Variants in CFAP20DC observed in about 807,000 individuals in gnomAD.
CFAP20DC encodes the protein protein CFAP20DC.
A neutral mutation model predicts 101.7 loss-of-function variants in CFAP20DC; 84 were observed. The ratio of observed to expected loss-of-function variants is 0.83; its 90% confidence interval spans 0.69 to 0.99. CFAP20DC has a LOEUF of 0.99. Among genes scored for constraint, CFAP20DC ranks in the 50% least tolerant of loss-of-function variants. The pLI is 0.00. For missense variants in CFAP20DC, 1,007 were observed against 970.3 expected (o/e 1.04, Z -0.50); for synonymous variants, 359 against 351.2 (o/e 1.02, Z -0.25).
chr3:58,935,527 T>TA (rs1213749219), intron 5 of CFAP20DC, among the ~76,000 whole-genome samples: 1 of 151,816 alleles, frequency 6.6e-6, no homozygotes, highest in East Asian at 1.9e-4. Flanking sequence ...CAAACTATAC[T>TA]ACAAGGCTAC....
intron 5 of CFAP20DC, among the ~76,000 whole-genome samples, chr3:58,925,280 A>G (rs764517573): frequency 6.6e-6 from 1 of 152,196 alleles, no homozygotes; most frequent in Non-Finnish European, 1.5e-5. Context: ...TTGCTCCAAG[A>G]GAAAATTAAT....
At chr3:58,791,600 A>G (rs962004846) in intron 15 of CFAP20DC, among the ~76,000 whole-genome samples, 3 of 152,224 alleles carry the variant, frequency 2.0e-5, no homozygotes, top group African/African-American at 7.2e-5. Context: ...GACAATGTAT[A>G]TTCAATGTCA....
chr3:58,966,220 C>G (rs1051466588), intron 4 of CFAP20DC, among the ~76,000 whole-genome samples: 4 of 152,102 alleles, frequency 2.6e-5, no homozygotes, highest in Non-Finnish European at 5.9e-5. Context: ...TGACCTTTGT[C>G]CCAGAAGTGA....
Position 58,863,396 on chromosome 3 carries a change from T to G in CFAP20DC, c.1593+162A>C. 7.1e-7 allele frequency: 1 copy of G among 1,409,190 alleles called. No individual in the cohort carries two copies. Among genetic ancestry groups the G allele is most frequent in the South Asian group, 1.7e-5 (1 of 58,766 alleles). 87.3% of individuals were successfully genotyped at this position (1,409,190 alleles called of 1,614,324 possible). On this transcript the variant is annotated intron_variant, in intron 12 of 16. Transcript: ENST00000482387. The surrounding 1 kb of genome is among the most constrained non-coding windows in gnomAD (Gnocchi z 5.9). The stretch of plus-strand genomic sequence containing the variant: ...AAAAAAAAAAAAAGACAGTTTAAAG[T>G]TACCATAACAACCTGATGCAACTGT...
At chr3:58,761,631 G>A (rs878979810) in intron 15 of CFAP20DC, among the ~76,000 whole-genome samples, 1 of 151,848 alleles carries the variant, frequency 6.6e-6, no homozygotes, top group Non-Finnish European at 1.5e-5. Context: ...GTGATGTTAG[G>A]GTGTCAATTT....
Position 58,912,117 on chromosome 3 carries a change from G to A in CFAP20DC, c.550+1591C>T, listed in dbSNP as rs114564999. On this transcript the variant is annotated intron_variant, in intron 6 of 16. Coordinates refer to ENST00000482387, the MANE Select transcript of CFAP20DC (RefSeq NM_001394063.1). This position sits in a 1 kb window ranked among gnomAD's most constrained non-coding sequence, Gnocchi z 4.4. ...ATATTCTTTATTCTGGTGGATTTAT[G>A]CCTTTTTTATTCCTATATAGTAATT... is the stretch of plus-strand genomic sequence containing the variant. Among the ~76,000 whole-genome samples the A allele has an allele frequency of 4.5e-3, 680 of 152,168 alleles. 5 individuals are homozygous for A. Among genetic ancestry groups the A allele is most frequent in the African/African-American group, 0.016 (665 of 41,508 alleles).
chr3:58,945,425 T>G (rs1164330852), intron 4 of CFAP20DC, among the ~76,000 whole-genome samples: 1 of 152,204 alleles, frequency 6.6e-6, no homozygotes, highest in African/African-American at 2.4e-5. Flanking sequence ...GAGATTATCT[T>G]CTTTCCATCC....
chr3:59,037,172 C>T (rs909743879), intron 4 of CFAP20DC, among the ~76,000 whole-genome samples: 1 of 151,370 alleles, frequency 6.6e-6, no homozygotes, highest in Non-Finnish European at 1.5e-5. Context: ...TAAAACCATA[C>T]AAACCCTAGA....
rs184788482 is a variant in CFAP20DC at position 58,893,265 on chromosome 3, C to T, written c.551-8556G>A. 6.7e-3 allele frequency among the ~76,000 whole-genome samples: 1,017 copies of T among 152,156 alleles called. 10 individuals carry two copies. The highest frequency in any genetic ancestry group is 0.012 in the Non-Finnish European group (793 of 67,998). Reference sequence around the variant, plus strand: ...TTCACTGTGTTAGCCAGGATGGTCTCGATCTCCTGACCTCGCAATCTGCCT... The same window carrying T: ...TTCACTGTGTTAGCCAGGATGGTCTTGATCTCCTGACCTCGCAATCTGCCT... On this transcript the variant is annotated intron_variant, in intron 6 of 16. Coordinates refer to ENST00000482387, the MANE Select transcript of CFAP20DC (RefSeq NM_001394063.1).
Position 58,869,507 on chromosome 3 carries a change from C to G in CFAP20DC, c.853-17G>C. The G allele has an allele frequency of 6.4e-7, 1 of 1,566,576 alleles. No individual in the cohort carries two copies. Among genetic ancestry groups the G allele is most frequent in the Non-Finnish European group, 8.6e-7 (1 of 1,156,918 alleles). On this transcript the variant is annotated splice_polypyrimidine_tract_variant and intron_variant, in intron 8 of 16. Transcript: ENST00000482387. This position sits in a 1 kb window ranked among gnomAD's most constrained non-coding sequence, Gnocchi z 4.3. ...TCTCACTGTCTGTAAAGGAATTAAT[C>G]TGTACATTTTAAAATATAGCAACTA...
chr3:58,936,694 T>C (rs1274588255), intron 5 of CFAP20DC, among the ~76,000 whole-genome samples: 3 of 152,140 alleles, frequency 2.0e-5, no homozygotes, highest in Non-Finnish European at 2.9e-5. Context: ...AAACACCGCA[T>C]GTTCTCCCGC....
At chr3:58,808,329 C>G (rs908873994) in intron 14 of CFAP20DC, among the ~76,000 whole-genome samples, 37 of 152,244 alleles carry the variant, frequency 2.4e-4, no homozygotes, top group African/African-American at 8.9e-4. Context: ...GTCGGGGTAC[C>G]CACAAAGGGA....
chr3:58,902,532 G>A (rs1170880505), intron 6 of CFAP20DC, among the ~76,000 whole-genome samples: 7 of 152,070 alleles, frequency 4.6e-5, no homozygotes, highest in African/African-American at 1.7e-4. Context: ...TAATGATATT[G>A]AACATTTTTT....
intron 5 of CFAP20DC, among the ~76,000 whole-genome samples, chr3:58,931,852 T>A (rs1246873908): frequency 3.3e-5 from 5 of 152,134 alleles, no homozygotes; most frequent in Admixed American, 6.5e-5. Context: ...CTGGAAACTC[T>A]AAAAAGCAGA....
intron 1 of CFAP20DC, among the ~76,000 whole-genome samples, chr3:59,048,599 ACT>A (rs1366643121): frequency 6.6e-6 from 1 of 152,084 alleles, no homozygotes; most frequent in East Asian, 1.9e-4. Context: ...AGTGAGACAA[ACT>A]CTCTAAAAGT....
At chr3:59,031,606 T>C (rs542100573) in intron 4 of CFAP20DC, among the ~76,000 whole-genome samples, 7 of 152,288 alleles carry the variant, frequency 4.6e-5, no homozygotes, top group Admixed American at 3.3e-4. Flanking sequence ...CCATGGCAGA[T>C]GATGAAAGAA....
intron 1 of CFAP20DC, 48 bp downstream of exon 1, chr3:59,049,563 C>T (rs1253320262): frequency 1.3e-6 from 2 of 1,511,062 alleles, no homozygotes; most frequent in Middle Eastern, 1.7e-4. Flanking sequence ...GACTACCTCA[C>T]CCAAGAGGAG....
chr3:58,719,714 T>C (rs565199734), intron 3 of CFAP20DC, among the ~76,000 whole-genome samples: 1 of 152,350 alleles, frequency 6.6e-6, no homozygotes, highest in South Asian at 2.1e-4. Flanking sequence ...GTGGTTTGGC[T>C]TCTCTCTTCC....
At chr3:58,926,329 A>G (rs373252903) in intron 5 of CFAP20DC, among the ~76,000 whole-genome samples, 8 of 151,940 alleles carry the variant, frequency 5.3e-5, no homozygotes, top group East Asian at 3.9e-4. Flanking sequence ...TCATGCCACT[A>G]TACTCCAGCC....
Sources: gnomAD v4.1 joint callset for allele counts (sites outside exome capture counted in the v4.1 genomes callset) on GRCh38, gnomAD v4.1.1 for gene constraint, Gnocchi (gnomAD v3.1) non-coding constraint, MANE v1.5 for transcripts, NCBI Gene and HGNC (gene_info 2026-07-23, HGNC 2026-07-21) for gene names.